Variants in DPP10 observed in about 807,000 individuals in gnomAD.
DPP10 encodes the protein inactive dipeptidyl peptidase 10.
A neutral mutation model predicts 120.9 loss-of-function variants in DPP10; 33 were observed. That is an observed-to-expected ratio of 0.27 (90% CI 0.21 to 0.37). DPP10 has a LOEUF of 0.37. DPP10 is among the 10% of genes least tolerant of loss of function. The pLI is 1.00. For missense variants in DPP10, 816 were observed against 942.8 expected (o/e 0.87, Z 1.76); for synonymous variants, 337 against 326.1 (o/e 1.03, Z -0.36).
chr2:114,945,148 C>T (rs193300350), intron 1 of DPP10, among the ~76,000 whole-genome samples: 2 of 152,186 alleles, frequency 1.3e-5, no homozygotes, highest in Admixed American at 6.5e-5. Flanking sequence ...CCTAGAAAAG[C>T]GTGAAGCAGA....
chr2:115,616,465 G>A (rs550073051), intron 5 of DPP10, among the ~76,000 whole-genome samples: 5 of 150,934 alleles, frequency 3.3e-5, no homozygotes, highest in African/African-American at 4.9e-5. Context: ...TAGACATGCA[G>A]ATCAATACAA....
At chr2:115,162,086 C>G (rs2052422789) in intron 1 of DPP10, 1 of 1,492,510 alleles carries the variant, frequency 6.7e-7, no homozygotes, top group Admixed American at 2.2e-5. Context: ...AGTGCGCGCT[C>G]CGCCCGCCTC....
At chr2:115,025,116 A>T (rs1346515434) in intron 1 of DPP10, among the ~76,000 whole-genome samples, 2 of 151,954 alleles carry the variant, frequency 1.3e-5, no homozygotes, top group Non-Finnish European at 2.9e-5. Flanking sequence ...TAGATCTTTT[A>T]TCTAACTGTA....
At chr2:114,550,140 C>T (rs1458796667) in intron 1 of DPP10, among the ~76,000 whole-genome samples, 2 of 152,180 alleles carry the variant, frequency 1.3e-5, no homozygotes, top group African/African-American at 4.8e-5. Context: ...TAAATGACTG[C>T]AAGTCTTCAC....
intron 3 of DPP10, among the ~76,000 whole-genome samples, chr2:115,470,732 G>C (rs993611297): frequency 3.3e-5 from 5 of 151,722 alleles, no homozygotes; most frequent in Admixed American, 6.6e-5. Context: ...TTCAAAATTT[G>C]GTTTTCTATC....
intron 5 of DPP10, among the ~76,000 whole-genome samples, chr2:115,567,168 G>T (rs1287569070): frequency 1.3e-5 from 2 of 151,734 alleles, no homozygotes; most frequent in East Asian, 1.9e-4. Flanking sequence ...TTGAAACACG[G>T]TTTTTCTCCC....
intron 2 of DPP10, among the ~76,000 whole-genome samples, chr2:115,313,656 G>A (rs1178930619): frequency 6.6e-6 from 1 of 152,210 alleles, no homozygotes; most frequent in Admixed American, 6.5e-5. Flanking sequence ...CATGTTCACT[G>A]TAATTTCGGT....
chr2:114,916,774 T>C (rs1694838014), intron 1 of DPP10, among the ~76,000 whole-genome samples: 1 of 152,166 alleles, frequency 6.6e-6, no homozygotes, highest in African/African-American at 2.4e-5. Flanking sequence ...TCCACATCCC[T>C]TCATGATAAA....
intron 3 of DPP10, among the ~76,000 whole-genome samples, chr2:115,377,156 A>G (rs1409502834): frequency 2.0e-5 from 3 of 152,130 alleles, no homozygotes; most frequent in Non-Finnish European, 4.4e-5. Context: ...GAACTAGTTT[A>G]CAGTCCCACC....
intron 1 of DPP10, among the ~76,000 whole-genome samples, chr2:115,193,379 C>T (rs1308338720): frequency 6.6e-6 from 1 of 152,090 alleles, no homozygotes; most frequent in Admixed American, 6.5e-5. Context: ...GACTAGACTG[C>T]CTAAGACCAC....
intron 1 of DPP10, among the ~76,000 whole-genome samples, chr2:114,922,398 C>T (rs182435366): frequency 1.0e-3 from 158 of 152,300 alleles, no homozygotes; most frequent in Non-Finnish European, 1.6e-3. Flanking sequence ...CTGCAACCTC[C>T]GCTTTCTGGG....
intron 1 of DPP10, among the ~76,000 whole-genome samples, chr2:115,299,066 T>G (rs2061011138): frequency 6.6e-6 from 1 of 152,000 alleles, no homozygotes; most frequent in Non-Finnish European, 1.5e-5. Flanking sequence ...TTTACATATA[T>G]TGGGAGAAGA....
intron 1 of DPP10, among the ~76,000 whole-genome samples, chr2:115,062,802 T>G (rs952020792): frequency 6.6e-6 from 1 of 152,260 alleles, no homozygotes; most frequent in Non-Finnish European, 1.5e-5. Flanking sequence ...GATGGGCATT[T>G]GGGTTGACTC....
intron 3 of DPP10, among the ~76,000 whole-genome samples, chr2:115,489,681 C>T (rs1489481519): frequency 6.6e-6 from 1 of 151,116 alleles, no homozygotes; most frequent in African/African-American, 2.4e-5. Flanking sequence ...AGATAGCAGA[C>T]CCTGAAGGAA....
At chr2:114,445,251 G>A (rs1242450359) in intron 1 of DPP10, among the ~76,000 whole-genome samples, 1 of 152,024 alleles carries the variant, frequency 6.6e-6, no homozygotes, top group Non-Finnish European at 1.5e-5. Flanking sequence ...ATGGAATCTG[G>A]TTGGCCTGCA....
At chr2:114,634,172 A>G (rs138047550) in intron 1 of DPP10, among the ~76,000 whole-genome samples, 24 of 152,020 alleles carry the variant, frequency 1.6e-4, no homozygotes, top group African/African-American at 5.8e-4. Context: ...GAATTGATAA[A>G]ACCATGCAGA....
At position 115,355,196 on chromosome 2, in the gene DPP10, A is replaced by G. The variant is rs115001026; in HGVS notation, c.271+11284A>G. 8.8e-3 allele frequency among the ~76,000 whole-genome samples: 1,342 copies of G among 152,192 alleles called. 11 individuals carry two copies. The highest frequency in any genetic ancestry group is 0.015 in the Non-Finnish European group (986 of 67,998). ...TGTAAGTAATTGTAAAAGTGTTCCTATTTCTCCACAGCCTCAGCAGCATCT... is the reference window on the plus strand; with the variant it reads ...TGTAAGTAATTGTAAAAGTGTTCCTGTTTCTCCACAGCCTCAGCAGCATCT... On this transcript the variant is annotated intron_variant, in intron 3 of 25. Coordinates refer to ENST00000410059, the MANE Select transcript of DPP10 (RefSeq NM_020868.6).
intron 1 of DPP10, among the ~76,000 whole-genome samples, chr2:114,471,245 G>A (rs1382584820): frequency 6.6e-6 from 1 of 152,128 alleles, no homozygotes; most frequent in Non-Finnish European, 1.5e-5. Flanking sequence ...CCTCCTGGTT[G>A]GTGAGCAAAT....
chr2:115,235,612 A>G (rs1351097475), intron 1 of DPP10, among the ~76,000 whole-genome samples: 1 of 151,896 alleles, frequency 6.6e-6, no homozygotes, highest in African/African-American at 2.4e-5. Context: ...ACCAGGCTGG[A>G]GTGCAGTGGT....
Sources: allele counts gnomAD v4.1 joint callset (sites outside exome capture counted in the v4.1 genomes callset), GRCh38; gene constraint gnomAD v4.1.1; transcripts MANE v1.5; gene names NCBI Gene and HGNC (gene_info 2026-07-23, HGNC 2026-07-21).